The following CAST variants were observed in gnomAD, a reference collection of about 807,000 sequenced individuals.
CAST encodes the protein MIR583 host.
CAST carries 76 observed loss-of-function variants against 119.6 expected under a neutral mutation model. That is an observed-to-expected ratio of 0.64 (90% CI 0.53 to 0.77). The LOEUF is 0.77. Among genes scored for constraint, CAST ranks in the 30% least tolerant of loss-of-function variants. The pLI, the probability that CAST is intolerant of heterozygous loss-of-function variation, is 0.00. For synonymous variants in CAST, 319 were observed against 331.6 expected, an observed-to-expected ratio of 0.96 and a Z score of 0.41; for missense variants, 953 against 946.5, an observed-to-expected ratio of 1.01 and a Z score of -0.09.
chr5:96,574,933 AATTGGTTTGT>A (rs1407091308), intron 1 of CAST, among the ~76,000 whole-genome samples: 2 of 152,170 alleles, frequency 1.3e-5, no homozygotes, highest in Non-Finnish European at 2.9e-5. Flanking sequence ...TAAACCATAG[AATTGGTTTGT>A]ATATTTAATT....
chr5:96,181,878 TAAAC>T, the CAST span, among the ~76,000 whole-genome samples: 16 of 152,236 alleles, frequency 1.1e-4, no homozygotes, highest in Non-Finnish European at 7.3e-5. Flanking sequence ...TTTTGTTATA[TAAAC>T]ATACCGAGGA....
At chr5:96,568,564 CAAAAAAAAAAAAA>C (rs70981830) in intron 1 of CAST, among the ~76,000 whole-genome samples, 1 of 70,920 alleles carries the variant, frequency 1.4e-5, no homozygotes, top group Non-Finnish European at 2.4e-5. Context: ...GACTCCATCT[CAAAAAAAAAAAAA>C]AAAAAAAAAA....
At chr5:96,444,557 T>G in the CAST span, among the ~76,000 whole-genome samples, 1 of 151,862 alleles carries the variant, frequency 6.6e-6, no homozygotes, top group African/African-American at 2.4e-5. Context: ...TTTTTCTTTA[T>G]GCCAAAATTT....
At chr5:96,366,486 T>A in the CAST span, among the ~76,000 whole-genome samples, 2 of 152,258 alleles carry the variant, frequency 1.3e-5, no homozygotes, top group Non-Finnish European at 2.9e-5. Flanking sequence ...AGATTTGGTC[T>A]TTTCACATAG....
At chr5:96,230,576 C>A in the CAST span, among the ~76,000 whole-genome samples, 2 of 152,106 alleles carry the variant, frequency 1.3e-5, no homozygotes, top group Non-Finnish European at 2.9e-5. Context: ...TCTTTATGAT[C>A]TTTGGGTTAG....
In CAST at chr5:96,729,721, CA is replaced by C; in HGVS notation, c.548del (p.Lys183ArgfsTer7). The stretch of plus-strand genomic sequence containing the variant: ...CAGCCATCAGAGAAATCAACAGAAC[CA>C]AAGGTAAATGAAGCAGATTGATAGG... ...EQQPSEKSTE[P>X]KTKPQDMISA... On this transcript the variant is annotated frameshift_variant, in exon 8 of 32. Transcript: ENST00000675179. LOFTEE classifies it high-confidence loss of function. 2.1e-6 allele frequency: 3 copies of C among 1,416,236 alleles called. No individual in the cohort carries two copies. The highest frequency in any genetic ancestry group is 3.0e-6 in the Non-Finnish European group (3 of 999,784). The allele number at this position is 1,416,236 out of a possible 1,614,324, so 87.7% of individuals were successfully genotyped here.
intron 1 of CAST, among the ~76,000 whole-genome samples, chr5:96,596,896 T>G (rs541765334): frequency 6.6e-6 from 1 of 152,328 alleles, no homozygotes; most frequent in East Asian, 1.9e-4. Flanking sequence ...TCACATGGCC[T>G]TTTCTCTGAG....
intron 2 of CAST, among the ~76,000 whole-genome samples, chr5:96,677,724 G>C (rs940916194): frequency 3.9e-5 from 6 of 152,228 alleles, no homozygotes; most frequent in African/African-American, 1.2e-4. Flanking sequence ...AGAGGGGATA[G>C]AGACTTTGCT....
At chr5:96,240,432 G>A in the CAST span, among the ~76,000 whole-genome samples, 1 of 152,194 alleles carries the variant, frequency 6.6e-6, no homozygotes, top group Non-Finnish European at 1.5e-5. Context: ...CTTCTTTACT[G>A]TCTACTCTTA....
intron 1 of CAST, among the ~76,000 whole-genome samples, chr5:96,607,880 C>G (rs1747290095): frequency 6.6e-6 from 1 of 152,022 alleles, no homozygotes; most frequent in South Asian, 2.1e-4. Context: ...ATTGTGATGG[C>G]TCAGTATACA....
intron 1 of CAST, among the ~76,000 whole-genome samples, chr5:96,571,364 C>T (rs1274768188): frequency 6.6e-6 from 1 of 152,202 alleles, no homozygotes; most frequent in East Asian, 1.9e-4. Flanking sequence ...GAAACTGCTC[C>T]ACCCTTCCTC....
At chr5:96,328,759 G>A in the CAST span, among the ~76,000 whole-genome samples, 2 of 151,954 alleles carry the variant, frequency 1.3e-5, no homozygotes, top group African/African-American at 4.8e-5. Context: ...CTTGATCCTG[G>A]TTCTTCACTG....
Position 96,772,694 on chromosome 5 carries a change from G to C in CAST, c.*78G>C, listed in dbSNP as rs886967820. The C allele has an allele frequency of 2.0e-5, 3 of 152,656 alleles. No individual in the cohort carries two copies. Among genetic ancestry groups the C allele is most frequent in the South Asian group, 4.1e-4 (2 of 4,826 alleles). 9.5% of individuals were successfully genotyped at this position (152,656 alleles called of 1,614,324 possible). A position where few individuals can be genotyped will look rare whatever the true frequency, so the allele number is the denominator to read the frequency against. On this transcript the variant is annotated 3_prime_UTR_variant, in exon 32 of 32. Coordinates refer to ENST00000675179, the MANE Select transcript of CAST (RefSeq NM_001750.7). Reference sequence around the variant, plus strand: ...GATGGTGACTTTTGAAGAACAAAAGGCTTTGGCAACAGAAAACAATTGTTC... The same window carrying C: ...GATGGTGACTTTTGAAGAACAAAAGCCTTTGGCAACAGAAAACAATTGTTC...
chr5:96,258,819 C>G, the CAST span, among the ~76,000 whole-genome samples: 1 of 152,258 alleles, frequency 6.6e-6, no homozygotes, highest in South Asian at 2.1e-4. Flanking sequence ...TGTGTTTTTC[C>G]CCTATGCACT....
At chr5:96,059,774 C>T in the CAST span, among the ~76,000 whole-genome samples, 1 of 152,088 alleles carries the variant, frequency 6.6e-6, no homozygotes, top group Non-Finnish European at 1.5e-5. Context: ...GGTTCTTGGC[C>T]TGTGGGGTGA....
At chr5:96,687,136 C>T (rs1752174184) in intron 2 of CAST, among the ~76,000 whole-genome samples, 1 of 152,114 alleles carries the variant, frequency 6.6e-6, no homozygotes, top group Admixed American at 6.5e-5. Flanking sequence ...GGAAAAGTGA[C>T]CTATAGGATT....
chr5:96,251,114 G>C, the CAST span, among the ~76,000 whole-genome samples: 3 of 152,162 alleles, frequency 2.0e-5, no homozygotes, highest in Non-Finnish European at 4.4e-5. Context: ...TATTTACCAA[G>C]GGTCCTTACC....
At chr5:96,698,523 C>G (rs1055091986) in intron 3 of CAST, among the ~76,000 whole-genome samples, 6 of 152,154 alleles carry the variant, frequency 3.9e-5, no homozygotes, top group Admixed American at 6.5e-5. Flanking sequence ...TCACCCCTTC[C>G]GTTCTCATAT....
At chr5:96,600,062 T>C (rs1459264659) in intron 1 of CAST, among the ~76,000 whole-genome samples, 4 of 151,764 alleles carry the variant, frequency 2.6e-5, no homozygotes, top group Non-Finnish European at 4.4e-5. Flanking sequence ...GCTAGACAAC[T>C]TTCAGGAGGG....
Sources: gnomAD v4.1 joint callset for allele counts (sites outside exome capture counted in the v4.1 genomes callset) on GRCh38, gnomAD v4.1.1 for gene constraint, MANE v1.5 for transcripts, NCBI Gene and HGNC (gene_info 2026-07-23, HGNC 2026-07-21) for gene names.